Variants in P4HA3 observed in about 807,000 individuals in gnomAD.
P4HA3 encodes prolyl 4-hydroxylase subunit alpha 3, also known as prolyl 4-hydroxylase subunit alpha-3.
In P4HA3, 60 loss-of-function variants were observed where a neutral mutation model predicts 66.7. That is an observed-to-expected ratio of 0.90 (90% CI 0.73 to 1.12). P4HA3 has a LOEUF of 1.12. Ranked by LOEUF, P4HA3 falls within the 50% of genes most tolerant of loss-of-function variation. P4HA3 has a pLI of 0.00. For synonymous variants in P4HA3, 263 were observed against 274.6 expected, an observed-to-expected ratio of 0.96 and a Z score of 0.42; for missense variants, 683 against 685.8, an observed-to-expected ratio of 1.00 and a Z score of 0.05.
At chr11:74,258,288 G>T (rs1241115198) in intron 15 of P4HA3, among the ~76,000 whole-genome samples, 1 of 152,196 alleles carries the variant, frequency 6.6e-6, no homozygotes, top group Non-Finnish European at 1.5e-5. Context: ...TAGCAGAAAG[G>T]CTGGATTCTT....
chr11:74,307,895 T>C (rs1861620072), intron 1 of P4HA3, among the ~76,000 whole-genome samples: 1 of 152,168 alleles, frequency 6.6e-6, no homozygotes, highest in East Asian at 1.9e-4. Context: ...TGCTTAATCC[T>C]TAGCACAGAA....
At chr11:74,291,024 ATTACT>A (rs1204800598) in intron 4 of P4HA3, among the ~76,000 whole-genome samples, 1 of 152,186 alleles carries the variant, frequency 6.6e-6, no homozygotes, top group Non-Finnish European at 1.5e-5. Context: ...GAATCTATAA[ATTACT>A]TTGGGCAGTA....
Position 74,301,784 on chromosome 11 carries a change from T to C in P4HA3, c.567+585A>G, listed in dbSNP as rs145397856. Among the ~76,000 whole-genome samples, 698 of 152,316 alleles carry C rather than the reference T, an allele frequency of 4.6e-3. 2 individuals are homozygous for C. Among genetic ancestry groups the C allele is most frequent in the Middle Eastern group, 0.014 (4 of 294 alleles). On this transcript the variant is annotated intron_variant, in intron 3 of 12. Transcript: ENST00000331597. ...GGGGGTGTTCCTGAAGTCTATTTCC[T>C]CAAGTAATGTTAAAGTGAATGGCCT...
chr11:74,252,941 C>T (rs989837300), intron 15 of P4HA3, among the ~76,000 whole-genome samples: 5 of 152,232 alleles, frequency 3.3e-5, no homozygotes, highest in Admixed American at 6.5e-5. Flanking sequence ...CTTTGATCCT[C>T]AGAGAGCCCA....
intron 14 of P4HA3, among the ~76,000 whole-genome samples, chr11:74,261,046 T>C (rs1048180285): frequency 6.6e-6 from 1 of 152,208 alleles, no homozygotes; most frequent in African/African-American, 2.4e-5. Flanking sequence ...GACCCACCTG[T>C]GCTATAGCTT....
chr11:74,292,914 T>C (rs1861081611), intron 4 of P4HA3, among the ~76,000 whole-genome samples: 2 of 152,228 alleles, frequency 1.3e-5, no homozygotes, highest in African/African-American at 4.8e-5. Flanking sequence ...GAAAAGAATG[T>C]ATATTCTGTT....
At chr11:74,255,304 G>A (rs913653789) in intron 15 of P4HA3, among the ~76,000 whole-genome samples, 3 of 152,084 alleles carry the variant, frequency 2.0e-5, no homozygotes, top group African/African-American at 7.2e-5. Context: ...CCTCTTTTCC[G>A]TGTCCCCCTC....
intron 10 of P4HA3, among the ~76,000 whole-genome samples, chr11:74,272,925 C>T (rs1860256747): frequency 6.6e-6 from 1 of 152,164 alleles, no homozygotes; most frequent in South Asian, 2.1e-4. Context: ...TGAGATGATA[C>T]AGACTGGGGC....
downstream of P4HA3, among the ~76,000 whole-genome samples, chr11:74,262,537 G>T (rs1291639574): frequency 6.6e-6 from 1 of 152,172 alleles, no homozygotes; most frequent in Non-Finnish European, 1.5e-5. Context: ...TCCAGATCCT[G>T]GTTCTGCCCC....
chr11:74,288,401 C>T (rs2134772650), intron 5 of P4HA3, among the ~76,000 whole-genome samples: 1 of 152,302 alleles, frequency 6.6e-6, no homozygotes, highest in African/African-American at 2.4e-5. Flanking sequence ...ATAGTGCACA[C>T]TGATTTCATT....
Position 74,273,044 on chromosome 11 carries a change from G to T in P4HA3, c.1398+501C>A, listed in dbSNP as rs568317461. Among the ~76,000 whole-genome samples the T allele has an allele frequency of 5.2e-4, 79 of 152,316 alleles. No individual in the cohort carries two copies. The South Asian group carries it at 0.016, about 30-fold the overall frequency. On this transcript the variant is annotated intron_variant, in intron 10 of 12. Transcript: ENST00000331597. ...AGATTTTATAGAGAGATAAGGAAGA[G>T]AATTTTCACTAAACATCAGAGGCAG...
chr11:74,252,103 CTTTT>C (rs60650207), intron 15 of P4HA3, among the ~76,000 whole-genome samples: 6 of 117,006 alleles, frequency 5.1e-5, no homozygotes, highest in Admixed American at 8.8e-5. Context: ...TGGAGCAGGG[CTTTT>C]TTTTTTTTTT....
At chr11:74,297,939 G>A (rs1359077598) in intron 4 of P4HA3, among the ~76,000 whole-genome samples, 1 of 152,198 alleles carries the variant, frequency 6.6e-6, no homozygotes, top group Non-Finnish European at 1.5e-5. Context: ...GGGAAATAAT[G>A]ATTGTAAAGT....
At chr11:74,261,974 G>T (rs2135696825), downstream of P4HA3, among the ~76,000 whole-genome samples, 1 of 152,308 alleles carries the variant, frequency 6.6e-6, no homozygotes, top group East Asian at 1.9e-4. Flanking sequence ...TGGGCAAGTT[G>T]CTTTACTTTT....
intron 3 of P4HA3, among the ~76,000 whole-genome samples, chr11:74,301,371 AAT>A (rs1236869296): frequency 2.6e-5 from 4 of 152,164 alleles, no homozygotes; most frequent in African/African-American, 9.6e-5. Context: ...AGGCCTCACT[AAT>A]ATGTTAGTAC....
At chr11:74,255,534 C>T (rs1859812387) in intron 15 of P4HA3, among the ~76,000 whole-genome samples, 1 of 152,180 alleles carries the variant, frequency 6.6e-6, no homozygotes, top group Admixed American at 6.5e-5. Flanking sequence ...GTAGTTCACT[C>T]ATCTGAAAAA....
At position 74,298,374 on chromosome 11, in the gene P4HA3, C is replaced by G; in HGVS notation, c.568-13G>C. On this transcript the variant is annotated splice_polypyrimidine_tract_variant and intron_variant, in intron 3 of 12. Transcript: ENST00000331597. ...TGTCATAGGCCACCTACACAGAACA[C>G]AAGTACCATCGCCAAAGCCTTATTC... is the stretch of plus-strand genomic sequence containing the variant. 3.7e-6 allele frequency: 6 copies of G among 1,611,186 alleles called. No individual in the cohort carries two copies. The South Asian group carries it at 5.5e-5, about 15-fold the overall frequency.
chr11:74,304,868 T>G (rs1310500398), intron 1 of P4HA3, among the ~76,000 whole-genome samples: 2 of 152,084 alleles, frequency 1.3e-5, no homozygotes, highest in African/African-American at 4.8e-5. Flanking sequence ...GGAAAACAAT[T>G]TTTTCCACGG....
Position 74,285,984 on chromosome 11 carries a change from G to C in P4HA3, c.935C>G (p.Pro312Arg). The C allele has an allele frequency of 1.2e-6, 2 of 1,604,186 alleles. No individual in the cohort carries two copies. Among genetic ancestry groups the C allele is most frequent in the South Asian group, 1.1e-5 (1 of 90,884 alleles). ...EGLCQTLGSQ[P>R]TLYQIPSLYC... ...GAGGCTAGGGATCTGGTAGAGAGTG[G>C]GCTGGAAGGAAAGAATAGGATGAGC... Residue 312 changes from proline (P) to arginine (R), a missense_variant and splice_region_variant, in exon 7 of 13, where the codon CCC becomes CGC. Transcript: ENST00000331597.
Sources: gnomAD v4.1 joint callset for allele counts (sites outside exome capture counted in the v4.1 genomes callset) on GRCh38, gnomAD v4.1.1 for gene constraint, MANE v1.5 for transcripts, NCBI Gene and HGNC (gene_info 2026-07-23, HGNC 2026-07-21) for gene names.